HIBADH: variants seen among roughly 807,000 people sequenced by gnomAD.
HIBADH encodes the protein 3-hydroxyisobutyrate dehydrogenase, also known as 3-hydroxyisobutyrate dehydrogenase, mitochondrial.
HIBADH carries 25 observed loss-of-function variants against 36.1 expected under a neutral mutation model. That is an observed-to-expected ratio of 0.69 (90% CI 0.50 to 0.97). The LOEUF is 0.97. Ranked by LOEUF, HIBADH falls within the 50% of genes least tolerant of loss-of-function variation. The probability of loss-of-function intolerance (pLI) is 0.00; values close to 1 mark genes in which losing one functional copy is unlikely to be tolerated. For missense variants in HIBADH, 421 were observed against 418.0 expected, an observed-to-expected ratio of 1.01 and a Z score of -0.06; for synonymous variants, 160 against 149.5, an observed-to-expected ratio of 1.07 and a Z score of -0.51.
rs764514229 is a variant in HIBADH at position 27,543,118 on chromosome 7, A to G, written c.485-18T>C. Reference sequence around the variant, plus strand: ...TCCTACACCTGAATCATTTGGGGGTAAAGGGATAGAAGCAAAAGAATATAT... The same window carrying G: ...TCCTACACCTGAATCATTTGGGGGTGAAGGGATAGAAGCAAAAGAATATAT... On this transcript the variant is annotated intron_variant, in intron 4 of 7. Coordinates refer to ENST00000265395, the MANE Select transcript of HIBADH (RefSeq NM_152740.4). 52 of 1,612,492 alleles carry G rather than the reference A, an allele frequency of 3.2e-5. No individual in the cohort carries two copies. The African/African-American group carries it at 5.5e-4, about 17-fold the overall frequency.
chr7:27,570,813 C>CA (rs1562625492), intron 4 of HIBADH, among the ~76,000 whole-genome samples: 2 of 65,500 alleles, frequency 3.1e-5, no homozygotes, highest in Non-Finnish European at 5.5e-5. Context: ...TTTGGTACTG[C>CA]GTAGTTTTAC....
intron 4 of HIBADH, among the ~76,000 whole-genome samples, chr7:27,623,188 T>C (rs1383943786): frequency 6.6e-6 from 1 of 152,152 alleles, no homozygotes; most frequent in Admixed American, 6.5e-5. Flanking sequence ...AGGAAGCGTA[T>C]TTGATAAAAT....
intron 4 of HIBADH, among the ~76,000 whole-genome samples, chr7:27,589,235 A>G (rs1336608548): frequency 6.6e-6 from 1 of 152,212 alleles, no homozygotes; most frequent in East Asian, 1.9e-4. Flanking sequence ...ACATTTTTAA[A>G]AATCACTAAA....
chr7:27,662,798 G>A lies in HIBADH; in HGVS notation c.-10C>T. Reference sequence around the variant, plus strand: ...GTAAGGAGGCTGCCATGCTGCGCCCGCCCCTCTCCCCGCGGTGACCTCCGC... The same window carrying A: ...GTAAGGAGGCTGCCATGCTGCGCCCACCCCTCTCCCCGCGGTGACCTCCGC... On this transcript the variant is annotated 5_prime_UTR_variant, in exon 1 of 8. Transcript: ENST00000265395. 2 of 1,468,952 alleles carry A rather than the reference G, an allele frequency of 1.4e-6. No individual in the cohort carries two copies. Among genetic ancestry groups the A allele is most frequent in the Non-Finnish European group, 1.8e-6 (2 of 1,107,968 alleles). 91.0% of individuals were successfully genotyped at this position (1,468,952 alleles called of 1,614,324 possible). A position where few individuals can be genotyped will look rare whatever the true frequency, so the allele number is the denominator to read the frequency against.
chr7:27,659,555 A>AT (rs771879850), intron 1 of HIBADH, among the ~76,000 whole-genome samples: 4,595 of 151,606 alleles, frequency 0.03, 108 homozygotes, highest in South Asian at 0.092. Flanking sequence ...TCTCTACAAA[A>AT]AAAATAAATA....
chr7:27,586,976 C>T (rs1413818832), intron 4 of HIBADH, among the ~76,000 whole-genome samples: 1 of 152,224 alleles, frequency 6.6e-6, no homozygotes, highest in African/African-American at 2.4e-5. Context: ...GTCCATGCTG[C>T]GCAACGTGCC....
At chr7:27,559,883 A>G (rs1784441156) in intron 4 of HIBADH, among the ~76,000 whole-genome samples, 2 of 152,230 alleles carry the variant, frequency 1.3e-5, no homozygotes. Context: ...TGCTGAGAGA[A>G]CTATTATAAA....
intron 1 of HIBADH, among the ~76,000 whole-genome samples, chr7:27,659,370 G>A (rs542627594): frequency 1.3e-5 from 2 of 152,260 alleles, no homozygotes; most frequent in Admixed American, 6.5e-5. Flanking sequence ...AGTAATACAT[G>A]TACACTTTAA....
chr7:27,656,643 G>A (rs1786312056), intron 1 of HIBADH, among the ~76,000 whole-genome samples: 1 of 152,116 alleles, frequency 6.6e-6, no homozygotes, highest in Non-Finnish European at 1.5e-5. Flanking sequence ...ACTTACACCT[G>A]GAGAGTTGGA....
At chr7:27,550,431 T>TTCTCTGG (rs1309361006) in intron 4 of HIBADH, among the ~76,000 whole-genome samples, 12 of 152,174 alleles carry the variant, frequency 7.9e-5, no homozygotes, top group Admixed American at 7.9e-4. Context: ...TCCTAATTAC[T>TTCTCTGG]TCTCTGGTCT....
intron 4 of HIBADH, among the ~76,000 whole-genome samples, chr7:27,617,498 T>C (rs1194453025): frequency 6.6e-6 from 1 of 152,110 alleles, no homozygotes; most frequent in Non-Finnish European, 1.5e-5. Flanking sequence ...TGACGACAGA[T>C]ACCAGACAGC....
At position 27,562,756 on chromosome 7, in the gene HIBADH, C is replaced by G. The variant is rs142513931; in HGVS notation, c.485-19656G>C. Among the ~76,000 whole-genome samples the G allele has an allele frequency of 3.2e-3, 494 of 152,264 alleles. 6 individuals carry two copies. Among genetic ancestry groups the G allele is most frequent in the African/African-American group, 0.011 (465 of 41,546 alleles). On this transcript the variant is annotated intron_variant, in intron 4 of 7. Coordinates refer to ENST00000265395, the MANE Select transcript of HIBADH (RefSeq NM_152740.4). ...TATGGGTATGAGCCACCACACTCAG[C>G]CTTTGCCATTTCTTTTCATATCTCA...
intron 4 of HIBADH, among the ~76,000 whole-genome samples, chr7:27,576,886 C>A (rs764867579): frequency 2.0e-5 from 3 of 152,064 alleles, no homozygotes; most frequent in Non-Finnish European, 4.4e-5. Context: ...GAAATGAAAT[C>A]AACATTAATA....
At chr7:27,620,365 C>T (rs913293889) in intron 4 of HIBADH, among the ~76,000 whole-genome samples, 2 of 152,052 alleles carry the variant, frequency 1.3e-5, no homozygotes, top group Admixed American at 6.6e-5. Context: ...AAGACAAAAG[C>T]ATCTGGTCAC....
At chr7:27,533,480 C>T (rs1469370625) in intron 6 of HIBADH, among the ~76,000 whole-genome samples, 2 of 152,096 alleles carry the variant, frequency 1.3e-5, no homozygotes, top group Admixed American at 1.3e-4. Context: ...TCCCCCTGCC[C>T]CCACCCGCAG....
chr7:27,661,903 A>G (rs185974521), intron 1 of HIBADH, among the ~76,000 whole-genome samples: 2 of 152,276 alleles, frequency 1.3e-5, no homozygotes, highest in African/African-American at 2.4e-5. Flanking sequence ...CACTCATCCA[A>G]GGGGCCTCAT....
intron 4 of HIBADH, among the ~76,000 whole-genome samples, chr7:27,570,814 G>GC (rs5883088): frequency 0.74 from 112,830 of 151,958 alleles, 42,393 homozygotes; most frequent in East Asian, 0.94. Flanking sequence ...TTGGTACTGC[G>GC]TAGTTTTACT....
chr7:27,619,790 G>A (rs1434874767), intron 4 of HIBADH, among the ~76,000 whole-genome samples: 5 of 152,102 alleles, frequency 3.3e-5, no homozygotes, highest in Non-Finnish European at 7.4e-5. Context: ...TAAAAAGAAT[G>A]AGTAAAGCAT....
chr7:27,528,427 C>A (rs1211638961), intron 7 of HIBADH, among the ~76,000 whole-genome samples: 1 of 152,144 alleles, frequency 6.6e-6, no homozygotes, highest in African/African-American at 2.4e-5. Context: ...AGAAAAAATT[C>A]TTGAAGAAAA....
Sources: gnomAD v4.1 joint callset for allele counts (sites outside exome capture counted in the v4.1 genomes callset) on GRCh38, gnomAD v4.1.1 for gene constraint, MANE v1.5 for transcripts, NCBI Gene and HGNC (gene_info 2026-07-23, HGNC 2026-07-21) for gene names.